Variants in RAB3GAP2 observed in about 807,000 individuals in gnomAD.
RAB3GAP2 encodes the protein rab3 GTPase-activating protein non-catalytic subunit.
RAB3GAP2 carries 87 observed loss-of-function variants against 185.3 expected under a neutral mutation model. The observed-to-expected ratio is 0.47, with a 90% CI of 0.39 to 0.56. RAB3GAP2 has a LOEUF of 0.56. RAB3GAP2 is among the 20% of genes least tolerant of loss of function. The probability of loss-of-function intolerance (pLI) is 0.00; values close to 1 mark genes in which losing one functional copy is unlikely to be tolerated. For synonymous variants in RAB3GAP2, 554 were observed against 576.1 expected, an observed-to-expected ratio of 0.96 and a Z score of 0.55; for missense variants, 1,492 against 1,638.2, an observed-to-expected ratio of 0.91 and a Z score of 1.54.
intron 1 of RAB3GAP2, among the ~76,000 whole-genome samples, chr1:220,253,023 G>A (rs1173318498): frequency 6.6e-6 from 1 of 152,228 alleles, no homozygotes; most frequent in African/African-American, 2.4e-5. Context: ...CAAGTTCCCA[G>A]GGGCGGAGGG....
chr1:220,256,959 C>G (rs572786175), intron 1 of RAB3GAP2, among the ~76,000 whole-genome samples: 2 of 152,182 alleles, frequency 1.3e-5, no homozygotes, highest in East Asian at 1.9e-4. Context: ...TTCTCACCAC[C>G]ACATGACACT....
At chr1:220,170,217 T>C (rs1658147632) in intron 24 of RAB3GAP2, among the ~76,000 whole-genome samples, 1 of 151,848 alleles carries the variant, frequency 6.6e-6, no homozygotes, top group Non-Finnish European at 1.5e-5. Context: ...GAGTTGAAAA[T>C]GAGAACACAT....
chr1:220,244,127 T>C (rs1229503163), intron 1 of RAB3GAP2, among the ~76,000 whole-genome samples: 1 of 152,218 alleles, frequency 6.6e-6, no homozygotes, highest in Non-Finnish European at 1.5e-5. Flanking sequence ...AGTGTTGCTG[T>C]TCACTGATGA....
intron 1 of RAB3GAP2, among the ~76,000 whole-genome samples, chr1:220,233,608 C>T (rs1253420586): frequency 6.6e-6 from 1 of 152,026 alleles, no homozygotes; most frequent in African/African-American, 2.4e-5. Flanking sequence ...TAATAAAGTA[C>T]AAATAAAACT....
chr1:220,152,986 T>C (rs1005740044), intron 33 of RAB3GAP2, among the ~76,000 whole-genome samples, 199 bp downstream of exon 33: 3 of 152,236 alleles, frequency 2.0e-5, no homozygotes, highest in African/African-American at 7.2e-5. Context: ...TCCCTGTGCG[T>C]AGGGCAGGCC....
chr1:220,154,736 T>C (rs1397030264), intron 31 of RAB3GAP2, among the ~76,000 whole-genome samples: 1 of 150,410 alleles, frequency 6.6e-6, no homozygotes, highest in African/African-American at 2.4e-5. Context: ...TTTTTTTTTT[T>C]TTGAGACAGA....
chr1:220,170,511 G>A (rs1054460266), intron 24 of RAB3GAP2, among the ~76,000 whole-genome samples: 16 of 151,644 alleles, frequency 1.1e-4, no homozygotes, highest in Admixed American at 7.2e-4. Flanking sequence ...TCTCTGTAAT[G>A]CCTGGTTTAT....
intron 1 of RAB3GAP2, among the ~76,000 whole-genome samples, chr1:220,243,641 T>C (rs971801652): frequency 6.6e-6 from 1 of 152,166 alleles, no homozygotes; most frequent in Non-Finnish European, 1.5e-5. Context: ...TCTCAGTTAT[T>C]TGAGATAGTC....
chr1:220,239,323 C>T (rs958472934), intron 1 of RAB3GAP2, among the ~76,000 whole-genome samples: 4 of 152,130 alleles, frequency 2.6e-5, no homozygotes, highest in African/African-American at 9.7e-5. Context: ...CTCTATCTCC[C>T]AGGCGCAAGC....
chr1:220,243,490 G>A (rs1351483794), intron 1 of RAB3GAP2, among the ~76,000 whole-genome samples: 2 of 152,158 alleles, frequency 1.3e-5, no homozygotes, highest in African/African-American at 4.8e-5. Context: ...TGAGGCAAAT[G>A]GAGATTACAT....
At chr1:220,248,343 G>T (rs1441403693) in intron 1 of RAB3GAP2, among the ~76,000 whole-genome samples, 1 of 152,072 alleles carries the variant, frequency 6.6e-6, no homozygotes, top group African/African-American at 2.4e-5. Context: ...TTAGCTAAGG[G>T]AGTAGATCTT....
chr1:220,167,791 G>A (rs1157519756), intron 24 of RAB3GAP2, 116 bp from the exon 25 acceptor site: 5 of 1,120,092 alleles, frequency 4.5e-6, no homozygotes, highest in Non-Finnish European at 1.3e-6. Flanking sequence ...TTCTCAGCCT[G>A]AAGCTGACCC....
chr1:220,206,134 C>G, intron 7 of RAB3GAP2, 128 bp from the exon 8 acceptor site: 1 of 616,970 alleles, frequency 1.6e-6, no homozygotes, highest in Non-Finnish European at 2.8e-6. Flanking sequence ...GGCAGAAGAA[C>G]AGTAAAAATA....
rs1253776438 is a variant in RAB3GAP2 at position 220,157,688 on chromosome 1, GA to G, written c.3336+113del. 5 of 1,114,260 alleles carry G rather than the reference GA, an allele frequency of 4.5e-6. No homozygotes were observed. In the East Asian group the frequency reaches 1.3e-4, roughly 28 times the overall value. The allele number at this position is 1,114,260 out of a possible 1,614,324, so 69.0% of individuals were successfully genotyped here. On this transcript the variant is annotated intron_variant, in intron 30 of 34. Transcript: ENST00000358951. ...CCTTCTGGGCTCAAGTCAAAATTTAGAAATGAATGAATGAAAAACAACCTCA... is the reference window on the plus strand; with the variant it reads ...CCTTCTGGGCTCAAGTCAAAATTTAGAATGAATGAATGAAAAACAACCTCA...
chr1:220,220,253 G>T (rs564662771), intron 2 of RAB3GAP2: 2 of 152,288 alleles, frequency 1.3e-5, no homozygotes, highest in South Asian at 4.1e-4. Flanking sequence ...TAAGCTCCAT[G>T]GCTCTGAGAG....
intron 1 of RAB3GAP2, among the ~76,000 whole-genome samples, chr1:220,243,970 A>G (rs1447676030): frequency 6.6e-6 from 1 of 152,240 alleles, no homozygotes; most frequent in African/African-American, 2.4e-5. Flanking sequence ...ATCATATTGA[A>G]TGGGAAAAGT....
chr1:220,236,636 G>A lies in RAB3GAP2; in HGVS notation c.116-3773C>T, dbSNP rs140511275. On this transcript the variant is annotated intron_variant, in intron 1 of 34. Transcript: ENST00000358951. ...GCACTTTACCAAAGTTATTTCTTAC[G>A]CCTTCAGGTTAGGCAAGCAGGTCAA... 7.4e-3 allele frequency among the ~76,000 whole-genome samples: 1,115 copies of A among 150,828 alleles called. 8 individuals are homozygous for A. Among genetic ancestry groups the A allele is most frequent in the Middle Eastern group, 0.02 (6 of 294 alleles).
At chr1:220,189,579 C>A in intron 17 of RAB3GAP2, 124 bp downstream of exon 17, 40 of 863,384 alleles carry the variant, frequency 4.6e-5, no homozygotes, top group South Asian at 2.3e-4. Flanking sequence ...AAGGGATAAA[C>A]AATAAAAATG....
Position 220,151,669 on chromosome 1 carries a change from T to C in RAB3GAP2, c.3963A>G (p.Thr1321=), listed in dbSNP as rs1395314723. Residue 1321 remains threonine (T), a synonymous_variant, in exon 34 of 35, where the codon ACA becomes ACG. Coordinates refer to ENST00000358951, the MANE Select transcript of RAB3GAP2 (RefSeq NM_012414.4). ...TGGCAAGCAGCTCCATTCCTTCTTT[T>C]GTCTGGGTGTGGAGAAGCGCATGAG... The part of the protein sequence containing the change: ...RLAHALLHTQ[T]KEGMELLARL... 1.2e-6 allele frequency: 2 copies of C among 1,611,432 alleles called. No individual in the cohort carries two copies. The highest frequency in any genetic ancestry group is 2.2e-5 in the East Asian group (1 of 44,864).
Sources: allele counts gnomAD v4.1 joint callset (sites outside exome capture counted in the v4.1 genomes callset), GRCh38; gene constraint gnomAD v4.1.1; transcripts MANE v1.5; gene names NCBI Gene and HGNC (gene_info 2026-07-23, HGNC 2026-07-21).